SLC24A3: variants seen among roughly 807,000 people sequenced by gnomAD.
The protein encoded by SLC24A3 is sodium/potassium/calcium exchanger 3.
A neutral mutation model predicts 75.8 loss-of-function variants in SLC24A3; 28 were observed. The ratio of observed to expected loss-of-function variants is 0.37; its 90% CI spans 0.27 to 0.51. The LOEUF (loss-of-function observed/expected upper bound fraction) is 0.51, where lower values mean the gene tolerates loss of function less well. Among genes scored for constraint, SLC24A3 ranks in the 20% least tolerant of loss-of-function variants. The pLI, the probability that SLC24A3 is intolerant of heterozygous loss-of-function variation, is 0.94. For synonymous variants in SLC24A3, 372 were observed against 334.1 expected (o/e 1.11, Z -1.24); for missense variants, 663 against 847.8 (o/e 0.78, Z 2.71).
chr20:19,719,077 G>A (rs1415072389), intron 16 of SLC24A3, among the ~76,000 whole-genome samples: 2 of 152,160 alleles, frequency 1.3e-5, no homozygotes, highest in Non-Finnish European at 2.9e-5. Flanking sequence ...CCTGCTGGAG[G>A]GTTTTCCAGG....
At chr20:19,639,294 A>T (rs200642122) in intron 6 of SLC24A3, among the ~76,000 whole-genome samples, 1 of 151,908 alleles carries the variant, frequency 6.6e-6, no homozygotes, top group South Asian at 2.1e-4. Flanking sequence ...TGATTGGTGT[A>T]TTTACAAACC....
rs189595859 is a variant in SLC24A3 at position 19,298,288 on chromosome 20, C to T, written c.271+17201C>T. Among the ~76,000 whole-genome samples, 136 of 152,334 alleles carry T rather than the reference C, an allele frequency of 8.9e-4. 1 individual carries two copies. Among genetic ancestry groups the T allele is most frequent in the African/African-American group, 2.6e-3 (109 of 41,568 alleles). Reference sequence around the variant, plus strand: ...TACGATCGTCATTTTTTCCAACAAACGCTGTCCCAGCAGAACACTTCATTG... The same window carrying T: ...TACGATCGTCATTTTTTCCAACAAATGCTGTCCCAGCAGAACACTTCATTG... On this transcript the variant is annotated intron_variant, in intron 2 of 16. Coordinates refer to ENST00000328041, the MANE Select transcript of SLC24A3 (RefSeq NM_020689.4).
At chr20:19,236,312 A>G (rs550986451) in intron 1 of SLC24A3, among the ~76,000 whole-genome samples, 7 of 152,172 alleles carry the variant, frequency 4.6e-5, no homozygotes, top group Non-Finnish European at 8.8e-5. Context: ...AGTGAGTGAT[A>G]TGGGTTAATT....
At chr20:19,578,457 G>T (rs1243461992) in intron 3 of SLC24A3, among the ~76,000 whole-genome samples, 1 of 152,054 alleles carries the variant, frequency 6.6e-6, no homozygotes, top group African/African-American at 2.4e-5. Context: ...AGCAGCTCCA[G>T]ATGTGGGGTG....
intron 2 of SLC24A3, among the ~76,000 whole-genome samples, chr20:19,487,954 T>A (rs1253571366): frequency 6.6e-6 from 1 of 152,212 alleles, no homozygotes; most frequent in Non-Finnish European, 1.5e-5. Flanking sequence ...CCAATATATG[T>A]GGGTTGTTTT....
intron 2 of SLC24A3, among the ~76,000 whole-genome samples, chr20:19,317,029 T>C (rs1246592009): frequency 6.6e-6 from 1 of 151,838 alleles, no homozygotes; most frequent in Non-Finnish European, 1.5e-5. Flanking sequence ...CCTACAACCA[T>C]CTGACCTTTG....
intron 7 of SLC24A3, among the ~76,000 whole-genome samples, chr20:19,657,162 T>C (rs183222183): frequency 2.2e-3 from 331 of 152,330 alleles, no homozygotes; most frequent in Non-Finnish European, 3.7e-3. Flanking sequence ...TACAGACCAG[T>C]TGTCAAGGCT....
chr20:19,269,046 G>A (rs1983248508), intron 1 of SLC24A3, among the ~76,000 whole-genome samples: 1 of 152,184 alleles, frequency 6.6e-6, no homozygotes, highest in African/African-American at 2.4e-5. Flanking sequence ...TGGAATAGGG[G>A]ACTCAGATTA....
At chr20:19,517,191 C>T (rs371234089) in intron 3 of SLC24A3, among the ~76,000 whole-genome samples, 1 of 152,198 alleles carries the variant, frequency 6.6e-6, no homozygotes, top group Admixed American at 6.5e-5. Context: ...GCTACCCTGT[C>T]GCAAGGCTGA....
At chr20:19,698,500 C>T in intron 14 of SLC24A3, 68 bp from the exon 15 acceptor site, 1 of 1,126,894 alleles carries the variant, frequency 8.9e-7, no homozygotes, top group Non-Finnish European at 1.3e-6. Flanking sequence ...AGACTAAAGG[C>T]TTGGGAGAGT....
At chr20:19,288,049 A>G (rs2122232255) in intron 2 of SLC24A3, among the ~76,000 whole-genome samples, 1 of 152,372 alleles carries the variant, frequency 6.6e-6, no homozygotes, top group Non-Finnish European at 1.5e-5. Context: ...ATACAGTGGA[A>G]GGTAGGCTGA....
chr20:19,275,854 T>C (rs1477519671), intron 1 of SLC24A3, among the ~76,000 whole-genome samples: 1 of 152,150 alleles, frequency 6.6e-6, no homozygotes, highest in East Asian at 1.9e-4. Flanking sequence ...CCTGCAGTCC[T>C]GCAGACTGCC....
Position 19,280,972 on chromosome 20 carries a change from G to A in SLC24A3, c.156G>A (p.Met52Ile), listed in dbSNP as rs758893747. The A allele has an allele frequency of 6.2e-7, 1 of 1,613,758 alleles. No individual in the cohort carries two copies. The highest frequency in any genetic ancestry group is 1.1e-5 in the South Asian group (1 of 91,028). The change falls in exon 2 of 17, where the codon ATG (methionine) becomes ATA (isoleucine). Residue 52 changes from methionine (M) to isoleucine (I), a missense_variant. By Grantham distance (10) the Met-to-Ile change is conservative. Coordinates refer to ENST00000328041, the MANE Select transcript of SLC24A3 (RefSeq NM_020689.4). ...SLREQKELDL[M>I]DLVGEDRKWM... The stretch of plus-strand genomic sequence containing the variant: ...TTGTCTCCCCAGAGCTTGACCTCAT[G>A]GACCTCGTAGGGGAAGACAGAAAGT...
chr20:19,325,795 T>TAG lies in SLC24A3; in HGVS notation c.271+44751_271+44752dup, dbSNP rs745745496. Among the ~76,000 whole-genome samples, 238 of 67,772 alleles carry TAG rather than the reference T, an allele frequency of 3.5e-3. 5 individuals carry two copies. Among genetic ancestry groups the TAG allele is most frequent in the South Asian group, 5.7e-3 (9 of 1,580 alleles). 44.5% of individuals were successfully genotyped at this position (67,772 alleles called of 152,430 possible). On this transcript the variant is annotated intron_variant, in intron 2 of 16. Transcript: ENST00000328041. The stretch of plus-strand genomic sequence containing the variant: ...ATATATACATATATATATATATATA[T>TAG]AGAGAGAGAGAGAGAGAGAGAGAGA...
intron 3 of SLC24A3, among the ~76,000 whole-genome samples, chr20:19,550,976 G>A (rs1027175756): frequency 1.3e-5 from 2 of 152,234 alleles, no homozygotes; most frequent in Non-Finnish European, 2.9e-5. Context: ...CGTAAGGCAC[G>A]GGCCACATGG....
At chr20:19,292,550 C>T (rs1298958454) in intron 2 of SLC24A3, among the ~76,000 whole-genome samples, 5 of 152,154 alleles carry the variant, frequency 3.3e-5, no homozygotes, top group African/African-American at 7.2e-5. Context: ...CTGCTGAAAT[C>T]TTGTTGACTT....
intron 2 of SLC24A3, among the ~76,000 whole-genome samples, chr20:19,341,960 CTATTTTTGAAG>C: frequency 6.6e-6 from 1 of 152,226 alleles, no homozygotes; most frequent in Non-Finnish European, 1.5e-5. Context: ...GATACAATAC[CTATTTTTGAAG>C]TATTTTTGAA....
chr20:19,673,509 G>A (rs974002903), intron 8 of SLC24A3, 92 bp from the exon 9 acceptor site: 1 of 1,086,694 alleles, frequency 9.2e-7, no homozygotes, highest in Non-Finnish European at 1.4e-6. Context: ...TTACTATCCT[G>A]GCCGTTTGCA....
rs138028989 is a variant in SLC24A3, at chr20:19,560,574, G to C, written c.349-19426G>C. Reference sequence around the variant, plus strand: ...TACATCTGCTCCCTGTACCAGACACGTTTTAAACACTGGATCACTGCTATT... The same window carrying C: ...TACATCTGCTCCCTGTACCAGACACCTTTTAAACACTGGATCACTGCTATT... On this transcript the variant is annotated intron_variant, in intron 3 of 16. Transcript: ENST00000328041. Among the ~76,000 whole-genome samples the C allele has an allele frequency of 6.1e-3, 929 of 152,300 alleles. 6 individuals carry two copies. Among genetic ancestry groups the C allele is most frequent in the Middle Eastern group, 0.031 (9 of 294 alleles).
Sources: gnomAD v4.1 joint callset for allele counts (sites outside exome capture counted in the v4.1 genomes callset) on GRCh38, gnomAD v4.1.1 for gene constraint, MANE v1.5 for transcripts, NCBI Gene and HGNC (gene_info 2026-07-23, HGNC 2026-07-21) for gene names.